RNF150: variants seen among roughly 807,000 people sequenced by gnomAD.
RNF150 encodes the protein ring finger protein 150.
In RNF150, 24 loss-of-function variants were observed where a neutral mutation model predicts 39.3. The observed-to-expected ratio is 0.61, with a 90% CI of 0.44 to 0.86. The LOEUF (loss-of-function observed/expected upper bound fraction) is 0.86. RNF150 is among the 40% of genes least tolerant of loss of function. The pLI, the probability that RNF150 is intolerant of heterozygous loss-of-function variation, is 0.00. For synonymous variants in RNF150, 255 were observed against 227.3 expected (o/e 1.12, Z -1.10); for missense variants, 502 against 587.8 (o/e 0.85, Z 1.51).
chr4:141,192,727 G>A (rs1728130160), intron 1 of RNF150, among the ~76,000 whole-genome samples: 2 of 152,284 alleles, frequency 1.3e-5, no homozygotes, highest in South Asian at 4.1e-4. Context: ...CACCCTGCCA[G>A]GGTATAATCC....
At chr4:140,948,616 T>A (rs555473698) in intron 3 of RNF150, among the ~76,000 whole-genome samples, 96 of 152,216 alleles carry the variant, frequency 6.3e-4, no homozygotes, top group African/African-American at 1.9e-3. Flanking sequence ...TAAAAAAAAA[T>A]TTTATAGAGA....
intron 1 of RNF150, among the ~76,000 whole-genome samples, chr4:141,034,684 A>G (rs28702710): frequency 0.085 from 12,987 of 152,108 alleles, 619 homozygotes; most frequent in Middle Eastern, 0.19. Flanking sequence ...GCCTAATTTT[A>G]ATATTTTTGG....
rs72949039 is a variant in RNF150 at position 141,074,248 on chromosome 4, A to G, written c.484+58077T>C. Among the ~76,000 whole-genome samples, 639 of 151,914 alleles carry G rather than the reference A, an allele frequency of 4.2e-3. 4 individuals are homozygous for G. The highest frequency in any genetic ancestry group is 0.014 in the African/African-American group (578 of 41,430). ...ATGCAATTCACAACCACAATGATGGACACACAAGTCTGGCCCTGTTGGTTG... is the reference window on the plus strand; with the variant it reads ...ATGCAATTCACAACCACAATGATGGGCACACAAGTCTGGCCCTGTTGGTTG... On this transcript the variant is annotated intron_variant, in intron 1 of 6. Coordinates refer to ENST00000515673, the MANE Select transcript of RNF150 (RefSeq NM_020724.2).
At chr4:141,041,076 A>G (rs1736347883) in intron 1 of RNF150, among the ~76,000 whole-genome samples, 1 of 152,128 alleles carries the variant, frequency 6.6e-6, no homozygotes, top group Non-Finnish European at 1.5e-5. Flanking sequence ...GACTATTACT[A>G]TAAACATTCA....
chr4:140,941,569 T>C (rs1388217174), intron 4 of RNF150, among the ~76,000 whole-genome samples: 14 of 152,356 alleles, frequency 9.2e-5, no homozygotes, highest in Admixed American at 5.2e-4. Flanking sequence ...GAATTTGAAG[T>C]TGTACTTGTT....
intron 1 of RNF150, among the ~76,000 whole-genome samples, chr4:141,073,695 A>G (rs6818675): frequency 0.24 from 36,987 of 151,614 alleles, 4,531 homozygotes; most frequent in Middle Eastern, 0.4. Context: ...AATGGCAGGC[A>G]AGTATAATTT....
intron 1 of RNF150, among the ~76,000 whole-genome samples, chr4:141,074,051 G>A (rs1266888449): frequency 6.6e-6 from 1 of 152,092 alleles, no homozygotes; most frequent in Non-Finnish European, 1.5e-5. Context: ...GAAGGCAATG[G>A]AGGAAGGTAT....
chr4:140,921,282 G>A (rs1731130409), intron 5 of RNF150, among the ~76,000 whole-genome samples: 1 of 150,926 alleles, frequency 6.6e-6, no homozygotes. Context: ...ATGGCAAAGG[G>A]GATATCACCA....
chr4:141,139,421 A>C (rs1402107075), intron 1 of RNF150, among the ~76,000 whole-genome samples: 1 of 152,238 alleles, frequency 6.6e-6, no homozygotes, highest in Non-Finnish European at 1.5e-5. Context: ...CAGTGAGAGC[A>C]GTAATTCCAC....
chr4:141,067,631 T>G (rs1412106651), intron 1 of RNF150, among the ~76,000 whole-genome samples: 1 of 152,208 alleles, frequency 6.6e-6, no homozygotes, highest in Non-Finnish European at 1.5e-5. Context: ...TTGTTCCTAA[T>G]GATCTACATT....
At chr4:141,172,855 T>C (rs1727753008) in intron 1 of RNF150, among the ~76,000 whole-genome samples, 1 of 151,880 alleles carries the variant, frequency 6.6e-6, no homozygotes, top group Non-Finnish European at 1.5e-5. Flanking sequence ...TGAAACCCCA[T>C]CTCTACTAAA....
intron 1 of RNF150, among the ~76,000 whole-genome samples, chr4:141,038,713 C>A (rs920604577): frequency 1.3e-5 from 2 of 152,042 alleles, no homozygotes; most frequent in Admixed American, 6.6e-5. Flanking sequence ...GAATCTCTTT[C>A]CCATTTTTAT....
At chr4:140,907,623 T>C (rs1730436574) in intron 6 of RNF150, among the ~76,000 whole-genome samples, 1 of 152,174 alleles carries the variant, frequency 6.6e-6, no homozygotes, top group Admixed American at 6.5e-5. Flanking sequence ...TTTTAAGAGA[T>C]TTAGAAAAAT....
At chr4:141,159,555 G>GT (rs1437957013) in intron 1 of RNF150, among the ~76,000 whole-genome samples, 1 of 151,568 alleles carries the variant, frequency 6.6e-6, no homozygotes, top group Non-Finnish European at 1.5e-5. Flanking sequence ...TTTGTTTTTT[G>GT]TTTTTTTAAT....
At chr4:141,162,419 G>A (rs752678942) in intron 1 of RNF150, among the ~76,000 whole-genome samples, 2 of 152,114 alleles carry the variant, frequency 1.3e-5, no homozygotes, top group Admixed American at 6.6e-5. Flanking sequence ...GATTTTGCAG[G>A]TTCATAGGCA....
At chr4:141,005,657 C>A (rs1734836069) in intron 1 of RNF150, among the ~76,000 whole-genome samples, 1 of 152,178 alleles carries the variant, frequency 6.6e-6, no homozygotes, top group Admixed American at 6.5e-5. Flanking sequence ...GTGGCTACAA[C>A]AAATTGAGTG....
intron 1 of RNF150, among the ~76,000 whole-genome samples, chr4:141,091,331 A>G (rs1187589672): frequency 6.6e-6 from 1 of 152,218 alleles, no homozygotes; most frequent in Non-Finnish European, 1.5e-5. Context: ...CAACTCAAAA[A>G]TAGGTTTTAT....
chr4:141,073,896 G>A (rs1737798079), intron 1 of RNF150, among the ~76,000 whole-genome samples: 1 of 151,962 alleles, frequency 6.6e-6, no homozygotes, highest in Admixed American at 6.6e-5. Flanking sequence ...GGGGAGCGGG[G>A]AGTGGAGCCA....
intron 1 of RNF150, among the ~76,000 whole-genome samples, chr4:141,101,838 G>A (rs1417890180): frequency 6.6e-6 from 1 of 152,108 alleles, no homozygotes; most frequent in Non-Finnish European, 1.5e-5. Context: ...CTGGAGTGCA[G>A]TGGCACAATC....
Sources: gnomAD v4.1 joint callset for allele counts (sites outside exome capture counted in the v4.1 genomes callset) on GRCh38, gnomAD v4.1.1 for gene constraint, MANE v1.5 for transcripts, NCBI Gene and HGNC (gene_info 2026-07-23, HGNC 2026-07-21) for gene names.